The following UFM1 variants were observed in gnomAD, a reference collection of about 807,000 sequenced individuals.
UFM1 encodes ubiquitin-fold modifier 1.
UFM1 carries 9 observed loss-of-function variants against 15.4 expected under a neutral mutation model. The ratio of observed to expected loss-of-function variants is 0.59; its 90% CI spans 0.35 to 1.02. The LOEUF (loss-of-function observed/expected upper bound fraction) is 1.02. Among genes scored for constraint, UFM1 ranks in the 50% least tolerant of loss-of-function variants. The pLI, the probability that UFM1 is intolerant of heterozygous loss-of-function variation, is 0.02. For missense variants in UFM1, 98 were observed against 104.7 expected, an observed-to-expected ratio of 0.94 and a Z score of 0.28; for synonymous variants, 27 against 36.3, an observed-to-expected ratio of 0.74 and a Z score of 0.92.
chr13:38,351,375 C>T (rs144559246), intron 2 of UFM1, among the ~76,000 whole-genome samples: 68 of 152,262 alleles, frequency 4.5e-4, no homozygotes, highest in African/African-American at 1.5e-3. Flanking sequence ...TCATTTTCCT[C>T]CTTATTCTCA....
chr13:38,352,102 CTTTTTTTT>C (rs35879418), intron 2 of UFM1, among the ~76,000 whole-genome samples: 1 of 105,346 alleles, frequency 9.5e-6, no homozygotes, highest in African/African-American at 3.2e-5. Context: ...TTCTTTCTTT[CTTTTTTTT>C]TTTTTTTTTG....
Position 38,361,936 on chromosome 13 carries a change from A to G in UFM1, c.*1158A>G, listed in dbSNP as rs1025885009. On this transcript the variant is annotated 3_prime_UTR_variant, in exon 6 of 6. Transcript: ENST00000239878. ...TAGAAGAAGGCAGTTAGAGAAAACAAAGTATCTACTGGCCTTGTCAACATA... is the reference window on the plus strand; with the variant it reads ...TAGAAGAAGGCAGTTAGAGAAAACAGAGTATCTACTGGCCTTGTCAACATA... 9 of 152,254 alleles carry G rather than the reference A, an allele frequency of 5.9e-5. No homozygotes were observed. The highest frequency in any genetic ancestry group is 1.9e-4 in the African/African-American group (8 of 41,454). 9.4% of individuals were successfully genotyped at this position (152,254 alleles called of 1,614,324 possible). A position where few individuals can be genotyped will look rare whatever the true frequency, so the allele number is the denominator to read the frequency against.
In UFM1 at chr13:38,362,988, GT is replaced by G. The variant is rs1291283829; in HGVS notation, c.*2212del. 1 of 151,974 alleles carries G rather than the reference GT, an allele frequency of 6.6e-6. No individual in the cohort carries two copies. The highest frequency in any genetic ancestry group is 1.5e-5 in the Non-Finnish European group (1 of 68,014). The allele number at this position is 151,974 out of a possible 1,614,324, so 9.4% of individuals were successfully genotyped here. On this transcript the variant is annotated 3_prime_UTR_variant, in exon 6 of 6. Coordinates refer to ENST00000239878, the MANE Select transcript of UFM1 (RefSeq NM_016617.4). Reference sequence around the variant, plus strand: ...TAATTAATATCTAATGAAAATACATGTTGTTATATTGTAAACCATATTGTCT... The same window carrying G: ...TAATTAATATCTAATGAAAATACATGTGTTATATTGTAAACCATATTGTCT...
At chr13:38,353,831 G>T (rs896626334) in intron 2 of UFM1, among the ~76,000 whole-genome samples, 3 of 152,080 alleles carry the variant, frequency 2.0e-5, no homozygotes, top group Non-Finnish European at 4.4e-5. Context: ...TAATGAAAAT[G>T]ATAACATTAC....
intron 2 of UFM1, among the ~76,000 whole-genome samples, chr13:38,352,796 G>A (rs1878920809): frequency 6.6e-6 from 1 of 152,154 alleles, no homozygotes; most frequent in African/African-American, 2.4e-5. Context: ...ATGAGCATCA[G>A]TATGACATCT....
intron 2 of UFM1, among the ~76,000 whole-genome samples, chr13:38,353,076 A>G (rs1878932494): frequency 6.6e-6 from 1 of 152,186 alleles, no homozygotes; most frequent in Admixed American, 6.5e-5. Flanking sequence ...AAGGGTAAAA[A>G]TGATACCCAT....
chr13:38,357,487 A>G (rs1593297745), intron 3 of UFM1, among the ~76,000 whole-genome samples: 1 of 142,170 alleles, frequency 7.0e-6, no homozygotes, highest in Non-Finnish European at 1.5e-5. Flanking sequence ...CCTAAATACA[A>G]TCAAAAGCAC....
At chr13:38,354,200 G>C in intron 2 of UFM1, 39 bp from the exon 3 acceptor site, 1 of 1,589,716 alleles carries the variant, frequency 6.3e-7, no homozygotes, top group Non-Finnish European at 8.6e-7. Flanking sequence ...TTAGAAAATG[G>C]TGACTTTAAA....
intron 2 of UFM1, among the ~76,000 whole-genome samples, chr13:38,351,047 C>T (rs1020129696): frequency 7.9e-5 from 12 of 152,278 alleles, no homozygotes; most frequent in Middle Eastern, 3.4e-3. Flanking sequence ...TCATCTACAA[C>T]GTTTCATTTA....
At chr13:38,359,545 AAACCT>A (rs1236077440) in intron 5 of UFM1, 1 of 440,918 alleles carries the variant, frequency 2.3e-6, no homozygotes, top group Non-Finnish European at 4.1e-6. Context: ...AAGTAACAGA[AAACCT>A]AATAGTGGCT....
intron 2 of UFM1, among the ~76,000 whole-genome samples, chr13:38,350,417 C>A (rs538769026): frequency 6.6e-6 from 1 of 152,188 alleles, no homozygotes; most frequent in Non-Finnish European, 1.5e-5. Context: ...ATTAGAAAAG[C>A]GTTTCACCGC....
chr13:38,351,811 C>T (rs1462701947), intron 2 of UFM1, among the ~76,000 whole-genome samples: 1 of 152,078 alleles, frequency 6.6e-6, no homozygotes, highest in Non-Finnish European at 1.5e-5. Context: ...GTAGGTACAA[C>T]TGTTGTTTAG....
In UFM1 at chr13:38,358,074, T is replaced by A. The variant is rs749540778; in HGVS notation, c.118-19T>A. The A allele has an allele frequency of 3.6e-5, 45 of 1,265,502 alleles. No individual in the cohort carries two copies. In the East Asian group the frequency reaches 8.0e-4, roughly 22 times the overall value. The allele number at this position is 1,265,502 out of a possible 1,614,324, so 78.4% of individuals were successfully genotyped here. A position where few individuals can be genotyped will look rare whatever the true frequency, so the allele number is the denominator to read the frequency against. On this transcript the variant is annotated intron_variant, in intron 3 of 5. Transcript: ENST00000239878. ...GTGTGTGTGTATATATATATATATTTTTTTTTCCTTCTATTTAGTTTAAAG... is the reference window on the plus strand; with the variant it reads ...GTGTGTGTGTATATATATATATATTATTTTTTCCTTCTATTTAGTTTAAAG...
chr13:38,362,285 AAAT>A lies in UFM1; in HGVS notation c.*1510_*1512del, dbSNP rs1251368121. 2 of 152,168 alleles carry A rather than the reference AAAT, an allele frequency of 1.3e-5. No homozygotes were observed. Among genetic ancestry groups the A allele is most frequent in the Non-Finnish European group, 2.9e-5 (2 of 68,024 alleles). 9.4% of individuals were successfully genotyped at this position (152,168 alleles called of 1,614,324 possible). ...GGCCCTAAGTTCATTGGGGGAAAAA[AAAT>A]AAGAAGATTCAACAGAATCAGCATT... On this transcript the variant is annotated 3_prime_UTR_variant, in exon 6 of 6. Coordinates refer to ENST00000239878, the MANE Select transcript of UFM1 (RefSeq NM_016617.4).
chr13:38,361,469 T>C lies in UFM1; in HGVS notation c.*691T>C, dbSNP rs1680632922. Reference sequence around the variant, plus strand: ...GTGGGAATTTACAGTAGAAGCATCCTTTGCTGAGTTATACATTCCTTTATC... The same window carrying C: ...GTGGGAATTTACAGTAGAAGCATCCCTTGCTGAGTTATACATTCCTTTATC... On this transcript the variant is annotated 3_prime_UTR_variant, in exon 6 of 6. Coordinates refer to ENST00000239878, the MANE Select transcript of UFM1 (RefSeq NM_016617.4). 1 of 152,294 alleles carries C rather than the reference T, an allele frequency of 6.6e-6. No homozygotes were observed. The highest frequency in any genetic ancestry group is 1.9e-4 in the East Asian group (1 of 5,178). 9.4% of individuals were successfully genotyped at this position (152,294 alleles called of 1,614,324 possible). A position where few individuals can be genotyped will look rare whatever the true frequency, so the allele number is the denominator to read the frequency against.
chr13:38,354,442 A>G (rs1169240170), intron 3 of UFM1, 146 bp downstream of exon 3: 1 of 511,118 alleles, frequency 2.0e-6, no homozygotes, highest in African/African-American at 2.0e-5. Context: ...GATGATAGTT[A>G]AGACTTACTT....
intron 4 of UFM1, among the ~76,000 whole-genome samples, 158 bp from the exon 5 acceptor site, chr13:38,359,143 A>G (rs570428593): frequency 6.6e-6 from 1 of 152,186 alleles, no homozygotes; most frequent in South Asian, 2.1e-4. Flanking sequence ...TCAACAGATA[A>G]TTTACCTGAA....
At chr13:38,351,494 C>T (rs1246182280) in intron 2 of UFM1, among the ~76,000 whole-genome samples, 1 of 152,226 alleles carries the variant, frequency 6.6e-6, no homozygotes, top group Non-Finnish European at 1.5e-5. Context: ...CCTACCACTA[C>T]ATGGATAAAT....
At chr13:38,354,346 G>T (rs762215838) in intron 3 of UFM1, 50 bp downstream of exon 3, 4 of 1,533,766 alleles carry the variant, frequency 2.6e-6, no homozygotes, top group Non-Finnish European at 2.7e-6. Context: ...TTGCCAATAT[G>T]CTTCAAATGT....
Sources: allele counts gnomAD v4.1 joint callset (sites outside exome capture counted in the v4.1 genomes callset), GRCh38; gene constraint gnomAD v4.1.1; transcripts MANE v1.5; gene names NCBI Gene and HGNC (gene_info 2026-07-23, HGNC 2026-07-21).